ANKS1B: variants seen among roughly 807,000 people sequenced by gnomAD.
ANKS1B encodes the protein ankyrin repeat and sterile alpha motif domain-containing protein 1B.
ANKS1B carries 36 observed loss-of-function variants against 148.3 expected under a neutral mutation model. The observed-to-expected ratio is 0.24, with a 90% CI of 0.19 to 0.32. ANKS1B has a LOEUF of 0.32. Ranked by LOEUF, ANKS1B falls within the 10% of genes least tolerant of loss-of-function variation. The probability of loss-of-function intolerance (pLI) is 1.00; values close to 1 mark genes in which losing one functional copy is unlikely to be tolerated. For missense variants in ANKS1B, 1,157 were observed against 1,542.6 expected, an observed-to-expected ratio of 0.75 and a Z score of 4.19; for synonymous variants, 542 against 560.8, an observed-to-expected ratio of 0.97 and a Z score of 0.47.
intron 15 of ANKS1B, among the ~76,000 whole-genome samples, chr12:99,129,390 T>C (rs1025258057): frequency 6.6e-6 from 1 of 152,160 alleles, no homozygotes; most frequent in Non-Finnish European, 1.5e-5. Flanking sequence ...GGGGCAAGAC[T>C]GAGGCTCAGG....
chr12:98,906,864 C>A (rs1430976640), intron 17 of ANKS1B, among the ~76,000 whole-genome samples: 1 of 151,878 alleles, frequency 6.6e-6, no homozygotes, highest in African/African-American at 2.4e-5. Context: ...TTTCCAGTTT[C>A]ATTGAGGTAG....
chr12:98,977,291 G>T (rs1167812576), intron 17 of ANKS1B, among the ~76,000 whole-genome samples: 2 of 152,086 alleles, frequency 1.3e-5, no homozygotes, highest in African/African-American at 4.8e-5. Flanking sequence ...AAAAAACCTT[G>T]TTCAATCTTT....
intron 9 of ANKS1B, among the ~76,000 whole-genome samples, chr12:99,548,900 G>T (rs2097194013): frequency 6.6e-6 from 1 of 152,000 alleles, no homozygotes; most frequent in African/African-American, 2.4e-5. Context: ...ATAAGTGTAG[G>T]GAACAAGATT....
At chr12:98,875,703 A>C (rs772515266) in intron 17 of ANKS1B, among the ~76,000 whole-genome samples, 7 of 152,196 alleles carry the variant, frequency 4.6e-5, no homozygotes, top group Non-Finnish European at 8.8e-5. Context: ...TGGGACACAC[A>C]GTAGGCCCGT....
At chr12:98,922,447 T>C (rs61932191) in intron 17 of ANKS1B, among the ~76,000 whole-genome samples, 14,046 of 152,310 alleles carry the variant, frequency 0.092, 843 homozygotes, top group Non-Finnish European at 0.14. Context: ...CCTGTCATTG[T>C]GTAAGAAAAG....
rs533699622 is a variant in ANKS1B, at chr12:99,078,239, C to T, written c.2625+6686G>A. Among the ~76,000 whole-genome samples, 9 of 152,210 alleles carry T rather than the reference C, an allele frequency of 5.9e-5. No homozygotes were observed. In the South Asian group the frequency reaches 1.7e-3, roughly 28 times the overall value. On this transcript the variant is annotated intron_variant, in intron 16 of 26. Transcript: ENST00000683438. ...CTAGCTATGTTAGTTTATTAGAACC[C>T]GTTTTATTTGCTAACATTCTTCAAG...
intron 12 of ANKS1B, among the ~76,000 whole-genome samples, chr12:99,247,436 A>G (rs2074008808): frequency 3.3e-5 from 5 of 152,354 alleles, no homozygotes. Flanking sequence ...CATAATTTAG[A>G]CAAAAAAAAT....
chr12:99,455,155 A>G (rs773368965), intron 10 of ANKS1B, among the ~76,000 whole-genome samples: 9 of 151,974 alleles, frequency 5.9e-5, no homozygotes, highest in East Asian at 5.8e-4. Flanking sequence ...CATCTTCTAT[A>G]TCTTTCTATT....
intron 14 of ANKS1B, among the ~76,000 whole-genome samples, chr12:99,217,142 G>C (rs2084334826): frequency 6.6e-6 from 1 of 152,082 alleles, no homozygotes; most frequent in Non-Finnish European, 1.5e-5. Flanking sequence ...TTTTTATCTT[G>C]TTTAAGCCAC....
chr12:99,533,506 T>C (rs1409878563), intron 9 of ANKS1B, among the ~76,000 whole-genome samples: 3 of 152,174 alleles, frequency 2.0e-5, no homozygotes, highest in Non-Finnish European at 4.4e-5. Flanking sequence ...GCTTCCTCTT[T>C]TCCAATTTGG....
intron 12 of ANKS1B, among the ~76,000 whole-genome samples, chr12:99,258,275 G>A (rs924773670): frequency 6.6e-6 from 1 of 151,756 alleles, no homozygotes; most frequent in East Asian, 1.9e-4. Flanking sequence ...TTGTATAAAC[G>A]AAGAACAAGC....
intron 12 of ANKS1B, among the ~76,000 whole-genome samples, chr12:99,392,408 C>A (rs1448391333): frequency 2.6e-5 from 4 of 152,248 alleles, no homozygotes; most frequent in Admixed American, 2.6e-4. Context: ...TAAGCACTTA[C>A]AGGCTTTTGT....
chr12:99,047,278 C>T (rs1323183515), intron 17 of ANKS1B, among the ~76,000 whole-genome samples: 1 of 152,078 alleles, frequency 6.6e-6, no homozygotes, highest in Non-Finnish European at 1.5e-5. Context: ...CGCATGCCTG[C>T]AGTCCCAGCT....
At chr12:99,540,512 G>T (rs1452298492) in intron 9 of ANKS1B, among the ~76,000 whole-genome samples, 1 of 152,076 alleles carries the variant, frequency 6.6e-6, no homozygotes, top group Non-Finnish European at 1.5e-5. Context: ...CAATAAAAAT[G>T]AAAATTGAGA....
chr12:98,784,648 G>T (rs1410485296), intron 22 of ANKS1B, among the ~76,000 whole-genome samples: 2 of 152,230 alleles, frequency 1.3e-5, no homozygotes, highest in Non-Finnish European at 2.9e-5. Context: ...GTTAAAGGAA[G>T]CAGAAAGCTG....
At chr12:99,399,943 T>C (rs2094356399) in intron 11 of ANKS1B, 132 bp from the exon 12 acceptor site, 3 of 793,570 alleles carry the variant, frequency 3.8e-6, no homozygotes, top group South Asian at 1.7e-5. Context: ...TAAAATATAA[T>C]TGTGCTTTAC....
intron 25 of ANKS1B, among the ~76,000 whole-genome samples, chr12:98,763,687 AAT>A (rs2153448263): frequency 6.6e-6 from 1 of 152,366 alleles, no homozygotes; most frequent in South Asian, 2.1e-4. Context: ...TTCCTATATG[AAT>A]ATTTAAATAT....
intron 1 of ANKS1B, among the ~76,000 whole-genome samples, chr12:99,963,105 G>T (rs889317964): frequency 2.6e-5 from 4 of 152,158 alleles, no homozygotes; most frequent in Non-Finnish European, 5.9e-5. Flanking sequence ...GAGCCACTGT[G>T]CCCGGCCGAT....
chr12:99,048,885 A>AT (rs2099964147), intron 17 of ANKS1B: 1 of 152,232 alleles, frequency 6.6e-6, no homozygotes. Flanking sequence ...GCTTTACCTG[A>AT]TATATGCCTG....
Sources: gnomAD v4.1 joint callset for allele counts (sites outside exome capture counted in the v4.1 genomes callset) on GRCh38, gnomAD v4.1.1 for gene constraint, MANE v1.5 for transcripts, NCBI Gene and HGNC (gene_info 2026-07-23, HGNC 2026-07-21) for gene names.